The following DIXDC1 variants were observed in gnomAD, a reference collection of about 807,000 sequenced individuals.
DIXDC1 encodes dixin.
A neutral mutation model predicts 103.1 loss-of-function variants in DIXDC1; 64 were observed. That is an observed-to-expected ratio of 0.62 (90% confidence interval 0.51 to 0.76). DIXDC1 has a LOEUF of 0.76. Among genes scored for constraint, DIXDC1 ranks in the 30% least tolerant of loss-of-function variants. The probability of loss-of-function intolerance (pLI) is 0.00; values close to 1 mark genes in which losing one functional copy is unlikely to be tolerated. For synonymous variants in DIXDC1, 266 were observed against 298.5 expected (o/e 0.89, Z 1.12); for missense variants, 759 against 834.2 (o/e 0.91, Z 1.11).
chr11:111,987,398 A>T (rs188546666), intron 9 of DIXDC1, among the ~76,000 whole-genome samples: 85 of 152,298 alleles, frequency 5.6e-4, no homozygotes, highest in African/African-American at 1.9e-3. Flanking sequence ...TAACTTTTTA[A>T]TCCTGGTGGT....
chr11:111,967,016 C>T (rs1041596462), intron 2 of DIXDC1, among the ~76,000 whole-genome samples: 4 of 152,154 alleles, frequency 2.6e-5, no homozygotes, highest in Admixed American at 2.0e-4. Context: ...CTTCCAGAAT[C>T]CTATTAACTT....
At position 111,980,742 on chromosome 11, in the gene DIXDC1, C is replaced by T; in HGVS notation, c.662C>T (p.Thr221Ile). ...SPSESSCSSL[T>I]SPSPIHSAKS... is the part of the protein sequence containing the mutation. The stretch of plus-strand genomic sequence containing the variant: ...TCCTTTTTCTTCAATCACAGCCTGA[C>T]TTCACCCAGTCCAATCCACAGTGCA... Residue 221 changes from threonine (T) to isoleucine (I), a missense_variant, in exon 6 of 20, where the codon ACT becomes ATT. This residue lies in a region of DIXDC1 where 657 missense variants were observed against 727.5 expected (regional missense o/e 0.90). Coordinates refer to ENST00000440460, the MANE Select transcript of DIXDC1 (RefSeq NM_001037954.4). The T allele has an allele frequency of 6.2e-7, 1 of 1,613,546 alleles. No individual in the cohort carries two copies. Among genetic ancestry groups the T allele is most frequent in the Non-Finnish European group, 8.5e-7 (1 of 1,179,694 alleles).
rs374095764 is a variant in DIXDC1, at chr11:111,930,739, C to T, written c.57+829C>T. Among the ~76,000 whole-genome samples, 15 of 152,108 alleles carry T rather than the reference C, an allele frequency of 9.9e-5. No homozygotes were observed. In the South Asian group the frequency reaches 2.9e-3, roughly 29 times the overall value. On this transcript the variant is annotated intron_variant, in intron 2 of 5. Transcript: ENST00000529225. ...AGGCCAGGTGAGGTAGTGGCTTATG[C>T]CTGTAATCCCAGGACTTTGGGAGGC...
upstream of DIXDC1, chr11:111,937,190 G>A: frequency 9.4e-7 from 1 of 1,063,114 alleles, no homozygotes; most frequent in Non-Finnish European, 1.1e-6. Flanking sequence ...CAGCCCGCCT[G>A]GCCGTGCGGC....
chr11:111,927,876 C>A (rs1258027636), intron 1 of DIXDC1, among the ~76,000 whole-genome samples: 2 of 151,542 alleles, frequency 1.3e-5, no homozygotes, highest in Admixed American at 1.3e-4. Flanking sequence ...ATTAGCCAGG[C>A]ATGGTGGCAC....
intron 3 of DIXDC1, among the ~76,000 whole-genome samples, chr11:111,969,828 A>G (rs1352877055): frequency 6.6e-6 from 1 of 152,180 alleles, no homozygotes; most frequent in Admixed American, 6.5e-5. Context: ...AGAATCCTTC[A>G]CCACTCCTTC....
At position 111,937,571 on chromosome 11, in the gene DIXDC1, G is replaced by A; in HGVS notation, c.60+12G>A. On this transcript the variant is annotated intron_variant, in intron 1 of 19. Transcript: ENST00000440460. ...AGGGCTTCAATGAGGTAACTGTCCT[G>A]CTCCTCCCACTCCTCAGCTCCCCTC... 1 of 1,582,670 alleles carries A rather than the reference G, an allele frequency of 6.3e-7. No individual in the cohort carries two copies. Among genetic ancestry groups the A allele is most frequent in the Non-Finnish European group, 8.6e-7 (1 of 1,164,572 alleles).
At chr11:112,010,266 AT>A (rs1326145724) in intron 17 of DIXDC1, among the ~76,000 whole-genome samples, 1 of 152,258 alleles carries the variant, frequency 6.6e-6, no homozygotes, top group Non-Finnish European at 1.5e-5. Context: ...GGACCTCTTC[AT>A]GGAGAACTAC....
At chr11:111,961,707 A>G (rs1859583761) in intron 1 of DIXDC1, among the ~76,000 whole-genome samples, 1 of 152,240 alleles carries the variant, frequency 6.6e-6, no homozygotes, top group Admixed American at 6.5e-5. Context: ...CTTGACCTCA[A>G]GAAAAATACT....
chr11:111,975,166 G>T, intron 5 of DIXDC1, 183 bp downstream of exon 5: 2 of 1,402,152 alleles, frequency 1.4e-6, no homozygotes, highest in Non-Finnish European at 1.9e-6. Context: ...AGGAAGGTAG[G>T]GTGGGGTGCT....
chr11:111,973,529 T>A (rs1860003592), intron 3 of DIXDC1, among the ~76,000 whole-genome samples: 1 of 152,220 alleles, frequency 6.6e-6, no homozygotes, highest in South Asian at 2.1e-4. Context: ...TAGAGCACAT[T>A]TCATTTCAGA....
intron 19 of DIXDC1, among the ~76,000 whole-genome samples, chr11:112,018,591 CT>C (rs1378198919): frequency 1.3e-5 from 2 of 152,052 alleles, no homozygotes; most frequent in African/African-American, 4.8e-5. Context: ...TAAAATGAGT[CT>C]TTTTTCCCCA....
rs1860130193 is a variant in DIXDC1 at position 111,977,190 on chromosome 11, G to T, written c.656+2207G>T. The T allele has an allele frequency of 3.1e-6, 1 of 324,018 alleles. No homozygotes were observed. The highest frequency in any genetic ancestry group is 1.3e-4 in the South Asian group (1 of 7,634). 20.1% of individuals were successfully genotyped at this position (324,018 alleles called of 1,614,324 possible). A position where few individuals can be genotyped will look rare whatever the true frequency, so the allele number is the denominator to read the frequency against. ...CCCCGCCCAGCCCCGCCCCTGGCCC[G>T]CACCCTCAACCTCCGTCCAGAGCGG... On this transcript the variant is annotated intron_variant, in intron 5 of 19. Transcript: ENST00000440460. The surrounding 1 kb of genome is among the most constrained non-coding windows in gnomAD (Gnocchi z 6.1).
At chr11:111,960,692 T>G (rs958198648) in intron 1 of DIXDC1, among the ~76,000 whole-genome samples, 10 of 152,156 alleles carry the variant, frequency 6.6e-5, no homozygotes, top group Admixed American at 3.3e-4. Flanking sequence ...TGCATGTTAC[T>G]AGGAGCACTT....
chr11:111,979,243 C>T (rs1327801719), intron 5 of DIXDC1, among the ~76,000 whole-genome samples: 1 of 152,216 alleles, frequency 6.6e-6, no homozygotes, highest in African/African-American at 2.4e-5. Flanking sequence ...CCTCAGGCTG[C>T]CTCACTGCTT....
At chr11:111,980,694 C>T (rs782038372) in intron 5 of DIXDC1, 43 bp from the exon 6 acceptor site, 1 of 1,519,736 alleles carries the variant, frequency 6.6e-7, no homozygotes, top group Non-Finnish European at 9.1e-7. Flanking sequence ...TTCTGAACAA[C>T]TCTTCATAAT....
At chr11:111,969,637 G>A (rs1328497583) in intron 3 of DIXDC1, among the ~76,000 whole-genome samples, 1 of 152,154 alleles carries the variant, frequency 6.6e-6, no homozygotes, top group African/African-American at 2.4e-5. Context: ...GCTGTTTCTC[G>A]AGAACTGACT....
At chr11:111,931,643 A>AAAATAAAT (rs1231968308) in intron 2 of DIXDC1, among the ~76,000 whole-genome samples, 1 of 152,194 alleles carries the variant, frequency 6.6e-6, no homozygotes, top group Non-Finnish European at 1.5e-5. Flanking sequence ...ACTCCATCCC[A>AAAATAAAT]AAATAAATAA....
intron 2 of DIXDC1, among the ~76,000 whole-genome samples, chr11:111,932,027 CTTTT>C (rs59805759): frequency 9.1e-5 from 9 of 99,150 alleles, no homozygotes; most frequent in African/African-American, 1.8e-4. Context: ...GGCAGATAAC[CTTTT>C]TTTTTTTTTT....
Sources: allele counts gnomAD v4.1 joint callset (sites outside exome capture counted in the v4.1 genomes callset), GRCh38; gene constraint gnomAD v4.1.1; regional missense constraint gnomAD v4.1.1; non-coding constraint Gnocchi (gnomAD v3.1); transcripts MANE v1.5; gene names NCBI Gene and HGNC (gene_info 2026-07-23, HGNC 2026-07-21).